Variants in FAF1 observed in about 807,000 individuals in gnomAD.
FAF1 encodes the protein Fas associated factor 1, also known as FAS-associated factor 1.
Under a neutral mutation model 92.5 loss-of-function variants are expected in FAF1, and 25 were observed. That is an observed-to-expected ratio of 0.27 (90% CI 0.20 to 0.38). The LOEUF (loss-of-function observed/expected upper bound fraction) is 0.38. FAF1 is among the 10% of genes least tolerant of loss of function. The pLI, the probability that FAF1 is intolerant of heterozygous loss-of-function variation, is 1.00. For synonymous variants in FAF1, 234 were observed against 273.2 expected (o/e 0.86, Z 1.42); for missense variants, 636 against 793.3 (o/e 0.80, Z 2.38).
At chr1:50,649,785 C>CA (rs535636319) in intron 8 of FAF1, among the ~76,000 whole-genome samples, 16,436 of 72,812 alleles carry the variant, frequency 0.23, 1,084 homozygotes, top group African/African-American at 0.28. Context: ...ACTAAAACTA[C>CA]AAAAAAAAAA....
At chr1:50,890,087 T>C (rs1644706239) in intron 1 of FAF1, among the ~76,000 whole-genome samples, 1 of 152,220 alleles carries the variant, frequency 6.6e-6, no homozygotes, top group South Asian at 2.1e-4. Flanking sequence ...AGTTAGCTCT[T>C]CTTGTTGAAC....
intron 13 of FAF1, among the ~76,000 whole-genome samples, chr1:50,559,498 C>T (rs1649767651): frequency 6.6e-6 from 1 of 152,144 alleles, no homozygotes; most frequent in South Asian, 2.1e-4. Flanking sequence ...CATTTTGAAA[C>T]CCTACACTAA....
chr1:50,758,337 A>C (rs1466412833), intron 4 of FAF1, among the ~76,000 whole-genome samples: 2 of 152,242 alleles, frequency 1.3e-5, no homozygotes, highest in African/African-American at 4.8e-5. Flanking sequence ...TAAAGGCATA[A>C]GCCACCACGC....
intron 13 of FAF1, among the ~76,000 whole-genome samples, chr1:50,555,672 A>G (rs1469060149): frequency 6.6e-6 from 1 of 152,186 alleles, no homozygotes; most frequent in Admixed American, 6.5e-5. Context: ...TGGGAATGTA[A>G]ATTAGTACAA....
At chr1:50,644,978 C>T (rs1654517184) in intron 8 of FAF1, among the ~76,000 whole-genome samples, 1 of 152,206 alleles carries the variant, frequency 6.6e-6, no homozygotes, top group South Asian at 2.1e-4. Context: ...AAACTTCTCA[C>T]TCTTGTTCAG....
chr1:50,686,721 C>A (rs1298414331), intron 7 of FAF1, among the ~76,000 whole-genome samples: 1 of 152,086 alleles, frequency 6.6e-6, no homozygotes, highest in Non-Finnish European at 1.5e-5. Context: ...ATTACAAAGT[C>A]TATTTTTTCT....
At chr1:50,582,850 C>T in intron 11 of FAF1, 151 bp from the exon 12 acceptor site, 1 of 587,044 alleles carries the variant, frequency 1.7e-6, no homozygotes, top group Non-Finnish European at 3.0e-6. Flanking sequence ...TGGAAATGAG[C>T]TTTATTGGTT....
chr1:50,932,909 T>C (rs1410636720), intron 1 of FAF1, among the ~76,000 whole-genome samples: 4 of 152,316 alleles, frequency 2.6e-5, no homozygotes, highest in East Asian at 3.9e-4. Context: ...CTCAACACCA[T>C]GTGGAAGCTG....
At chr1:50,688,579 A>G (rs975728290) in intron 7 of FAF1, among the ~76,000 whole-genome samples, 1 of 152,156 alleles carries the variant, frequency 6.6e-6, no homozygotes, top group Non-Finnish European at 1.5e-5. Context: ...TTGGGAGGCC[A>G]AGGTGGGTGG....
At chr1:50,880,687 G>T (rs75069849) in intron 1 of FAF1, among the ~76,000 whole-genome samples, 34,907 of 152,144 alleles carry the variant, frequency 0.23, 4,458 homozygotes, top group Middle Eastern at 0.44. Context: ...GAGAAAATTT[G>T]TTTCTGTTGT....
At position 50,596,141 on chromosome 1, in the gene FAF1, T is replaced by G; in HGVS notation, c.820A>C (p.Thr274Pro). 6.2e-7 allele frequency: 1 copy of G among 1,613,790 alleles called. No homozygotes were observed. The highest frequency in any genetic ancestry group is 1.3e-5 in the African/African-American group (1 of 75,038). Residue 274 changes from threonine to proline, a missense_variant, in exon 9 of 19, where the codon ACC becomes CCC. Physicochemically the swap from Thr to Pro is conservative, Grantham distance 38 (BLOSUM62 -1). Around this residue, in one of 2 missense-constraint regions of FAF1, gnomAD observed 317 missense variants for 342.4 expected, o/e 0.93. Transcript: ENST00000396153. The stretch of plus-strand genomic sequence containing the variant: ...CTTACTTCTTCCGACTGTTCCCGGG[T>G]CTGTGCAGGTGAAGATCTTCTTCCC... ...TVGRRSSPAQ[T>P]REQSEEQITD...
At chr1:50,781,879 T>G (rs753494541) in intron 4 of FAF1, among the ~76,000 whole-genome samples, 1 of 152,170 alleles carries the variant, frequency 6.6e-6, no homozygotes, top group African/African-American at 2.4e-5. Context: ...ACAGTCATGC[T>G]CCTCATAACA....
At chr1:50,913,720 C>A (rs527642886) in intron 1 of FAF1, among the ~76,000 whole-genome samples, 1 of 152,250 alleles carries the variant, frequency 6.6e-6, no homozygotes, top group Admixed American at 6.5e-5. Context: ...TTGTCTATTA[C>A]TTTCCAAAAG....
intron 3 of FAF1, among the ~76,000 whole-genome samples, chr1:50,790,268 A>C (rs1661514727): frequency 6.6e-6 from 1 of 152,078 alleles, no homozygotes; most frequent in African/African-American, 2.4e-5. Flanking sequence ...CAGCCTCCTG[A>C]GTAGCTGGGA....
At chr1:50,773,179 G>A (rs1421255065) in intron 4 of FAF1, among the ~76,000 whole-genome samples, 1 of 152,210 alleles carries the variant, frequency 6.6e-6, no homozygotes, top group Non-Finnish European at 1.5e-5. Context: ...AAGCTCAGCT[G>A]GGGAAAATTG....
Position 50,491,775 on chromosome 1 carries a change from C to A in FAF1, c.1521G>T (p.Val507=). The change falls in exon 16 of 19, where the codon GTG becomes GTT. Residue 507 remains valine, a synonymous_variant. Transcript: ENST00000396153. ...GATAGGCCTCATCTTGCTCTCTCTT[C>A]ACATTTTCTCTGGCTTCACGTTCAT... ...DEDEREAREN[V]KREQDEAYRL... The A allele has an allele frequency of 6.2e-7, 1 of 1,612,642 alleles. No individual in the cohort carries two copies. The highest frequency in any genetic ancestry group is 8.5e-7 in the Non-Finnish European group (1 of 1,179,428).
At chr1:50,672,031 T>TC (rs113632692) in intron 7 of FAF1, among the ~76,000 whole-genome samples, 3 of 149,498 alleles carry the variant, frequency 2.0e-5, no homozygotes, top group Non-Finnish European at 3.0e-5. Context: ...TTTTTTTTTT[T>TC]TTATTATTTA....
At chr1:50,789,061 G>T (rs886682062) in intron 3 of FAF1, among the ~76,000 whole-genome samples, 1 of 151,946 alleles carries the variant, frequency 6.6e-6, no homozygotes, top group East Asian at 1.9e-4. Context: ...TCTTCAACTC[G>T]TGGCCTCAAG....
At chr1:50,897,126 G>A (rs1182291071) in intron 1 of FAF1, among the ~76,000 whole-genome samples, 2 of 151,942 alleles carry the variant, frequency 1.3e-5, no homozygotes, top group Admixed American at 1.3e-4. Flanking sequence ...ATCTATATGA[G>A]GAAAACTATA....
Sources: gnomAD v4.1 joint callset for allele counts (sites outside exome capture counted in the v4.1 genomes callset) on GRCh38, gnomAD v4.1.1 for gene constraint, gnomAD v4.1.1 regional missense constraint, MANE v1.5 for transcripts, NCBI Gene and HGNC (gene_info 2026-07-23, HGNC 2026-07-21) for gene names.